RPH3AL: variants seen among roughly 807,000 people sequenced by gnomAD.
RPH3AL encodes the protein rabphilin 3A like (without C2 domains).
In RPH3AL, 38 loss-of-function variants were observed where a neutral mutation model predicts 43.1. The observed-to-expected ratio is 0.88, with a 90% CI of 0.68 to 1.15. RPH3AL has a LOEUF of 1.15. Ranked by LOEUF, RPH3AL falls within the 50% of genes most tolerant of loss-of-function variation. The pLI, the probability that RPH3AL is intolerant of heterozygous loss-of-function variation, is 0.00. For synonymous variants in RPH3AL, 189 were observed against 176.3 expected (o/e 1.07, Z -0.57); for missense variants, 462 against 423.2 (o/e 1.09, Z -0.81).
intron 6 of RPH3AL, among the ~76,000 whole-genome samples, chr17:272,175 A>G (rs567105972): frequency 6.6e-6 from 1 of 152,342 alleles, no homozygotes; most frequent in African/African-American, 2.4e-5. Flanking sequence ...AACTAGTTCA[A>G]CCATTGTGGA....
chr17:252,472 G>A (rs919931111), intron 6 of RPH3AL, among the ~76,000 whole-genome samples: 1 of 152,156 alleles, frequency 6.6e-6, no homozygotes, highest in Admixed American at 6.5e-5. Context: ...CTAGGCTAAT[G>A]TAGATGCAAC....
intron 6 of RPH3AL, among the ~76,000 whole-genome samples, chr17:276,871 G>A (rs751655691): frequency 2.6e-5 from 4 of 152,124 alleles, no homozygotes; most frequent in Non-Finnish European, 4.4e-5. Context: ...AATTTTGAGT[G>A]GGAAAGATCA....
Position 272,696 on chromosome 17 carries a change from G to T in RPH3AL, c.438+9072C>A, listed in dbSNP as rs62052695. ...GGGTGCAGCACACCAACATGGCACA[G>T]GTATACAGATGTAACGAACCTGCAC... On this transcript the variant is annotated intron_variant, in intron 6 of 9. Coordinates refer to ENST00000331302, the MANE Select transcript of RPH3AL (RefSeq NM_006987.4). Among the ~76,000 whole-genome samples, 837 of 150,470 alleles carry T rather than the reference G, an allele frequency of 5.6e-3. 10 individuals carry two copies. Among genetic ancestry groups the T allele is most frequent in the African/African-American group, 0.019 (772 of 40,910 alleles).
intron 9 of RPH3AL, 23 bp from the exon 10 acceptor site, chr17:213,946 C>T: frequency 6.3e-7 from 1 of 1,596,702 alleles, no homozygotes; most frequent in Non-Finnish European, 8.6e-7. Context: ...GAAAAGGCCA[C>T]CACATGGTGA....
chr17:258,386 C>T (rs550954909), intron 6 of RPH3AL, among the ~76,000 whole-genome samples: 2 of 152,172 alleles, frequency 1.3e-5, no homozygotes, highest in South Asian at 2.1e-4. Context: ...GCCACCTTCC[C>T]GGGGAAGAAG....
chr17:321,492 C>A, intron 3 of RPH3AL, 77 bp from the exon 4 acceptor site: 1 of 1,439,886 alleles, frequency 6.9e-7, no homozygotes, highest in Non-Finnish European at 9.2e-7. Context: ...ATCCACCAAG[C>A]CCCCCCGAGA....
In RPH3AL at chr17:253,742, C is replaced by G. The variant is rs9910735; in HGVS notation, c.439-6457G>C. Reference sequence around the variant, plus strand: ...GTCTGTCCTTTTCCATCCCTAGGAACGTGACTACCCTACGTACTTCCTATG... The same window carrying G: ...GTCTGTCCTTTTCCATCCCTAGGAAGGTGACTACCCTACGTACTTCCTATG... On this transcript the variant is annotated intron_variant, in intron 6 of 9. Transcript: ENST00000331302. Among the ~76,000 whole-genome samples the G allele has an allele frequency of 6.6e-3, 308 of 46,610 alleles. 3 individuals are homozygous for G. Among genetic ancestry groups the G allele is most frequent in the African/African-American group, 0.021 (287 of 13,548 alleles). The allele number at this position is 46,610 out of a possible 152,430, so 30.6% of individuals were successfully genotyped here.
chr17:305,179 A>C (rs904359080), intron 5 of RPH3AL, among the ~76,000 whole-genome samples: 2 of 150,816 alleles, frequency 1.3e-5, no homozygotes, highest in African/African-American at 4.9e-5. Flanking sequence ...CTGCACCACC[A>C]GGCGCACAGC....
chr17:247,429 T>C, intron 6 of RPH3AL, 144 bp from the exon 7 acceptor site: 1 of 759,126 alleles, frequency 1.3e-6, no homozygotes. Flanking sequence ...CCCTGGCTGA[T>C]GGGCTGGGCT....
At chr17:278,525 C>A (rs1475111910) in intron 6 of RPH3AL, among the ~76,000 whole-genome samples, 2 of 151,992 alleles carry the variant, frequency 1.3e-5, no homozygotes, top group African/African-American at 4.8e-5. Flanking sequence ...CTGCTTTGCA[C>A]CCCTACTTGG....
chr17:285,736 C>T (rs573740794), intron 5 of RPH3AL, among the ~76,000 whole-genome samples: 16 of 152,300 alleles, frequency 1.1e-4, no homozygotes, highest in African/African-American at 2.9e-4. Flanking sequence ...GGACGGCGCT[C>T]GGCCAGAGGA....
At chr17:271,504 T>G (rs939922686) in intron 6 of RPH3AL, among the ~76,000 whole-genome samples, 1 of 152,200 alleles carries the variant, frequency 6.6e-6, no homozygotes, top group Non-Finnish European at 1.5e-5. Context: ...CCTTTGTAAG[T>G]TGGATTCCTA....
chr17:270,442 G>A (rs963518770), intron 6 of RPH3AL, among the ~76,000 whole-genome samples: 8 of 152,194 alleles, frequency 5.3e-5, no homozygotes, highest in East Asian at 1.9e-4. Context: ...GGGAGCCCCC[G>A]ATGATCCTGA....
intron 4 of RPH3AL, among the ~76,000 whole-genome samples, chr17:320,862 C>T (rs758517980): frequency 2.0e-5 from 3 of 152,224 alleles, no homozygotes; most frequent in Non-Finnish European, 2.9e-5. Flanking sequence ...AGGAGAGGCA[C>T]GTAGAGCCAG....
In RPH3AL at chr17:345,791, C is replaced by T. The variant is rs1350429032; in HGVS notation, c.-213+6921G>A. Among the ~76,000 whole-genome samples, 2 of 130,704 alleles carry T rather than the reference C, an allele frequency of 1.5e-5. 1 individual carries two copies. Among genetic ancestry groups the T allele is most frequent in the Non-Finnish European group, 3.5e-5 (2 of 57,254 alleles). The allele number at this position is 130,704 out of a possible 152,430, so 85.7% of individuals were successfully genotyped here. A position where few individuals can be genotyped will look rare whatever the true frequency, so the allele number is the denominator to read the frequency against. ...CTGGGGCACGCGTGCTCCCCATCTGCATGCACACCCTGCTGAGGCAAGCGT... is the reference window on the plus strand; with the variant it reads ...CTGGGGCACGCGTGCTCCCCATCTGTATGCACACCCTGCTGAGGCAAGCGT... On this transcript the variant is annotated intron_variant, in intron 1 of 9. Transcript: ENST00000331302.
In RPH3AL at chr17:290,361, G is replaced by C. The variant is rs1426242073; in HGVS notation, c.352-8507C>G. Among the ~76,000 whole-genome samples, 1 of 151,808 alleles carries C rather than the reference G, an allele frequency of 6.6e-6. No individual in the cohort carries two copies. The highest frequency in any genetic ancestry group is 1.5e-5 in the Non-Finnish European group (1 of 67,948). ...ATAAACCCAGGCTGGCCCGGCCACAGGGGAAATGACTCCGGGAATCCTTCA... is the reference window on the plus strand; with the variant it reads ...ATAAACCCAGGCTGGCCCGGCCACACGGGAAATGACTCCGGGAATCCTTCA... On this transcript the variant is annotated intron_variant, in intron 5 of 9. Coordinates refer to ENST00000331302, the MANE Select transcript of RPH3AL (RefSeq NM_006987.4). The surrounding 1 kb of genome is among the most constrained non-coding windows in gnomAD (Gnocchi z 4.2).
Position 327,598 on chromosome 17 carries a change from G to T in RPH3AL, c.-36-19C>A. On this transcript the variant is annotated intron_variant, in intron 2 of 9. Coordinates refer to ENST00000331302, the MANE Select transcript of RPH3AL (RefSeq NM_006987.4). The stretch of plus-strand genomic sequence containing the variant: ...GTCACATCTGAGATGAAGGAGGGAA[G>T]ACGAAAGAGTGTGCATCATTGGCTG... 1 of 1,527,232 alleles carries T rather than the reference G, an allele frequency of 6.5e-7. No individual in the cohort carries two copies. 94.6% of individuals were successfully genotyped at this position (1,527,232 alleles called of 1,614,324 possible).
At position 290,110 on chromosome 17, in the gene RPH3AL, C is replaced by T. The variant is rs78066352; in HGVS notation, c.352-8256G>A. Among the ~76,000 whole-genome samples the T allele has an allele frequency of 0.016, 2,425 of 152,332 alleles. 24 individuals are homozygous for T. Among genetic ancestry groups the T allele is most frequent in the Non-Finnish European group, 0.025 (1,727 of 68,036 alleles). On this transcript the variant is annotated intron_variant, in intron 5 of 9. Transcript: ENST00000331302. This position sits in a 1 kb window ranked among gnomAD's most constrained non-coding sequence, Gnocchi z 4.2. ...ACTTAAGATATTACAGTTGAAAAAGCAAGACAGGCTCCCTCCCGGAACATG... is the reference window on the plus strand; with the variant it reads ...ACTTAAGATATTACAGTTGAAAAAGTAAGACAGGCTCCCTCCCGGAACATG...
intron 6 of RPH3AL, among the ~76,000 whole-genome samples, chr17:251,915 T>C (rs1466573983): frequency 1.3e-5 from 2 of 151,970 alleles, no homozygotes; most frequent in Non-Finnish European, 2.9e-5. Flanking sequence ...CCGTGCAGGC[T>C]TTGAACCGCA....
Sources: allele counts gnomAD v4.1 joint callset (sites outside exome capture counted in the v4.1 genomes callset), GRCh38; gene constraint gnomAD v4.1.1; non-coding constraint Gnocchi (gnomAD v3.1); transcripts MANE v1.5; gene names NCBI Gene and HGNC (gene_info 2026-07-23, HGNC 2026-07-21).